The following JAZF1 variants were observed in gnomAD, a reference collection of about 807,000 sequenced individuals.
JAZF1 encodes juxtaposed with another zinc finger protein 1.
Under a neutral mutation model 26.4 loss-of-function variants are expected in JAZF1, and 8 were observed. That is an observed-to-expected ratio of 0.30 (90% confidence interval 0.18 to 0.55). The LOEUF (loss-of-function observed/expected upper bound fraction) is 0.55. Among genes scored for constraint, JAZF1 ranks in the 20% least tolerant of loss-of-function variants. The probability of loss-of-function intolerance (pLI) is 0.94; values close to 1 mark genes in which losing one functional copy is unlikely to be tolerated. For missense variants in JAZF1, 199 were observed against 322.0 expected (o/e 0.62, Z 2.92); for synonymous variants, 126 against 122.3 (o/e 1.03, Z -0.20).
chr7:28,047,084 T>A lies in JAZF1; in HGVS notation c.116-55103A>T, dbSNP rs928900019. On this transcript the variant is annotated intron_variant, in intron 1 of 4. Coordinates refer to ENST00000283928, the MANE Select transcript of JAZF1 (RefSeq NM_175061.4). ...GAATTTTATAGATTTGAAATGTAGT[T>A]ATGTTATGAATTAGGGATCTAAATA... is the stretch of plus-strand genomic sequence containing the variant. 5.9e-5 allele frequency among the ~76,000 whole-genome samples: 9 copies of A among 152,272 alleles called. No homozygotes were observed. In the East Asian group the frequency reaches 1.7e-3, roughly 29 times the overall value.
intron 3 of JAZF1, among the ~76,000 whole-genome samples, chr7:27,862,052 C>T (rs959376796): frequency 1.3e-5 from 2 of 152,224 alleles, no homozygotes; most frequent in African/African-American, 4.8e-5. Flanking sequence ...TGCCTGGCCT[C>T]GCAGAGTTAG....
At chr7:27,963,462 G>T (rs78518195) in intron 2 of JAZF1, among the ~76,000 whole-genome samples, 1 of 152,054 alleles carries the variant, frequency 6.6e-6, no homozygotes, top group African/African-American at 2.4e-5. Context: ...TAAATTGGGG[G>T]TAGCTGTCAA....
rs903392967 is a variant in JAZF1 at position 27,931,904 on chromosome 7, C to T, written c.189-36488G>A. 2.0e-5 allele frequency among the ~76,000 whole-genome samples: 3 copies of T among 151,900 alleles called. No individual in the cohort carries two copies. The South Asian group carries it at 6.2e-4, about 32-fold the overall frequency. ...CTCCAGCCTAAGTGACAAAGTGAGA[C>T]CCTGTCTCGAAAAAATAAATAAATA... On this transcript the variant is annotated intron_variant, in intron 2 of 4. Transcript: ENST00000283928.
chr7:28,074,661 T>A (rs2127912264), intron 1 of JAZF1, among the ~76,000 whole-genome samples: 1 of 152,280 alleles, frequency 6.6e-6, no homozygotes, highest in Admixed American at 6.5e-5. Context: ...TATAAAGGAG[T>A]TTATAAAAAT....
chr7:27,883,963 A>T (rs1180971422), intron 3 of JAZF1, among the ~76,000 whole-genome samples: 1 of 152,244 alleles, frequency 6.6e-6, no homozygotes, highest in Non-Finnish European at 1.5e-5. Context: ...AGATTTTCAA[A>T]CTCAAACTAC....
chr7:27,861,493 TA>T (rs1783378941), intron 3 of JAZF1, among the ~76,000 whole-genome samples: 1 of 152,158 alleles, frequency 6.6e-6, no homozygotes, highest in Admixed American at 6.5e-5. Flanking sequence ...GTCCTTTCTA[TA>T]AATGTTTTCA....
intron 1 of JAZF1, among the ~76,000 whole-genome samples, chr7:28,089,685 G>A (rs112434574): frequency 0.014 from 2,183 of 152,264 alleles, 57 homozygotes; most frequent in African/African-American, 0.049. Context: ...TCAGAATGTC[G>A]TAGAAATAGG....
At chr7:27,837,134 C>T (rs1029331211) in intron 4 of JAZF1, among the ~76,000 whole-genome samples, 5 of 152,088 alleles carry the variant, frequency 3.3e-5, no homozygotes, top group South Asian at 2.1e-4. Context: ...CTTTGGGGGG[C>T]GGGGTATTGT....
chr7:28,000,906 AC>A (rs1393333178), intron 1 of JAZF1, among the ~76,000 whole-genome samples: 1 of 152,056 alleles, frequency 6.6e-6, no homozygotes, highest in Non-Finnish European at 1.5e-5. Context: ...GGCATGAGCC[AC>A]AGCGCCTAGC....
At chr7:28,015,957 T>C (rs565292616) in intron 1 of JAZF1, among the ~76,000 whole-genome samples, 2 of 152,240 alleles carry the variant, frequency 1.3e-5, no homozygotes, top group South Asian at 4.1e-4. Context: ...GGGCATCTCA[T>C]CATGCTTATA....
chr7:27,843,071 A>G (rs1782953487), intron 3 of JAZF1: 1 of 152,364 alleles, frequency 6.6e-6, no homozygotes, highest in Non-Finnish European at 1.5e-5. Context: ...GGAAGGGGAC[A>G]CACAGCTTAC....
chr7:28,000,559 C>A lies in JAZF1; in HGVS notation c.116-8578G>T, dbSNP rs137890883. On this transcript the variant is annotated intron_variant, in intron 1 of 4. Coordinates refer to ENST00000283928, the MANE Select transcript of JAZF1 (RefSeq NM_175061.4). ...AGGAGACAACAAGAGAAGAACAACA[C>A]AGAGGCTGTTTGGACCTAGATAAGT... is the stretch of plus-strand genomic sequence containing the variant. 2.8e-3 allele frequency among the ~76,000 whole-genome samples: 428 copies of A among 151,800 alleles called. 2 individuals are homozygous for A. Among genetic ancestry groups the A allele is most frequent in the African/African-American group, 9.9e-3 (410 of 41,402 alleles).
intron 1 of JAZF1, among the ~76,000 whole-genome samples, chr7:28,090,190 A>G (rs1784272179): frequency 6.6e-6 from 1 of 152,244 alleles, no homozygotes; most frequent in African/African-American, 2.4e-5. Flanking sequence ...AACCTACCTC[A>G]TCGGACTATA....
intron 2 of JAZF1, among the ~76,000 whole-genome samples, chr7:27,941,467 A>G (rs1784847070): frequency 6.6e-6 from 1 of 152,220 alleles, no homozygotes; most frequent in Non-Finnish European, 1.5e-5. Flanking sequence ...GCTGTGATAA[A>G]TTATCTGACT....
At chr7:28,123,439 G>C (rs1782636647) in intron 1 of JAZF1, among the ~76,000 whole-genome samples, 5 of 152,148 alleles carry the variant, frequency 3.3e-5, no homozygotes, top group African/African-American at 1.2e-4. Flanking sequence ...TTCCCCACTA[G>C]ACTGTAAGCT....
chr7:27,880,460 G>A (rs1042183531), intron 3 of JAZF1, among the ~76,000 whole-genome samples: 3 of 151,954 alleles, frequency 2.0e-5, no homozygotes, highest in African/African-American at 4.8e-5. Context: ...TGGTGAAACC[G>A]TGTCTCTACT....
intron 1 of JAZF1, among the ~76,000 whole-genome samples, chr7:28,103,794 C>T (rs1233598071): frequency 6.6e-6 from 1 of 152,142 alleles, no homozygotes; most frequent in Non-Finnish European, 1.5e-5. Context: ...TATTGCAATC[C>T]CCTCTTAATC....
intron 1 of JAZF1, among the ~76,000 whole-genome samples, chr7:28,072,895 A>C (rs184422007): frequency 0.015 from 2,317 of 152,356 alleles, 23 homozygotes; most frequent in Middle Eastern, 0.031. Context: ...TTTAAAAACC[A>C]AAATGGTGAT....
chr7:27,897,508 C>T (rs1057403181), intron 2 of JAZF1, among the ~76,000 whole-genome samples: 1 of 123,988 alleles, frequency 8.1e-6, no homozygotes, highest in African/African-American at 2.9e-5. Flanking sequence ...ATTTGGTAAC[C>T]TGCTAAAAGA....
Sources: allele counts gnomAD v4.1 joint callset (sites outside exome capture counted in the v4.1 genomes callset), GRCh38; gene constraint gnomAD v4.1.1; transcripts MANE v1.5; gene names NCBI Gene and HGNC (gene_info 2026-07-23, HGNC 2026-07-21).